The following LINGO2 variants were observed in gnomAD, a reference collection of about 807,000 sequenced individuals.
LINGO2 encodes the protein leucine rich repeat and Ig domain containing 2.
In LINGO2, 14 loss-of-function variants were observed where a neutral mutation model predicts 30.6. The observed-to-expected ratio is 0.46, with a 90% CI of 0.30 to 0.72. The LOEUF (loss-of-function observed/expected upper bound fraction) is 0.72. Ranked by LOEUF, LINGO2 falls within the 30% of genes least tolerant of loss-of-function variation. The pLI, the probability that LINGO2 is intolerant of heterozygous loss-of-function variation, is 0.07. For synonymous variants in LINGO2, 317 were observed against 288.5 expected, an observed-to-expected ratio of 1.10 and a Z score of -1.00; for missense variants, 729 against 751.7, an observed-to-expected ratio of 0.97 and a Z score of 0.35.
the LINGO2 span, among the ~76,000 whole-genome samples, chr9:29,200,863 A>G: frequency 6.6e-6 from 1 of 152,004 alleles, no homozygotes; most frequent in African/African-American, 2.4e-5. Flanking sequence ...GACAGTTTTG[A>G]GGAGTACTGA....
intron 2 of LINGO2, among the ~76,000 whole-genome samples, chr9:28,398,363 G>A (rs1402460430): frequency 6.6e-6 from 1 of 152,138 alleles, no homozygotes. Context: ...AAGTTTAGCA[G>A]AAATCCTTTT....
intron 1 of LINGO2, among the ~76,000 whole-genome samples, chr9:28,512,589 GTGTGTATATATA>G (rs1464248492): frequency 2.0e-3 from 6 of 2,990 alleles, no homozygotes; most frequent in Admixed American, 6.0e-3. Context: ...GGATATATAT[GTGTGTATATATA>G]TATATATATA....
the LINGO2 span, among the ~76,000 whole-genome samples, chr9:28,990,343 G>A: frequency 1.2e-3 from 178 of 152,314 alleles, 1 homozygote; most frequent in Non-Finnish European, 2.1e-3. Flanking sequence ...GGTAAACAAA[G>A]CAGCTGGGAA....
chr9:28,796,006 AC>A, the LINGO2 span, among the ~76,000 whole-genome samples: 1 of 151,436 alleles, frequency 6.6e-6, no homozygotes, highest in South Asian at 2.1e-4. Flanking sequence ...ACACACACAC[AC>A]ACACACACAC....
At chr9:28,738,559 A>G in the LINGO2 span, among the ~76,000 whole-genome samples, 1 of 152,070 alleles carries the variant, frequency 6.6e-6, no homozygotes, top group African/African-American at 2.4e-5. Flanking sequence ...AGTATGGCGT[A>G]TTTCTGCTTA....
At chr9:28,587,420 G>C (rs1450617991) in intron 1 of LINGO2, among the ~76,000 whole-genome samples, 1 of 152,010 alleles carries the variant, frequency 6.6e-6, no homozygotes, top group African/African-American at 2.4e-5. Context: ...AGAGAGAATT[G>C]TTTCTTGCTC....
chr9:28,008,231 G>T (rs1420376408), intron 5 of LINGO2, among the ~76,000 whole-genome samples: 9 of 152,064 alleles, frequency 5.9e-5, no homozygotes, highest in Admixed American at 5.2e-4. Flanking sequence ...AGTCTAATAT[G>T]ATTCTCTTAT....
intron 2 of LINGO2, among the ~76,000 whole-genome samples, chr9:28,433,947 C>CTATATATATATA (rs1417650474): frequency 1.6e-5 from 1 of 61,038 alleles, no homozygotes; most frequent in African/African-American, 4.9e-5. Flanking sequence ...CTCTCTCTCT[C>CTATATATATATA]TCTATATATA....
intron 4 of LINGO2, among the ~76,000 whole-genome samples, chr9:28,069,468 A>G (rs562648252): frequency 2.6e-5 from 4 of 152,266 alleles, no homozygotes; most frequent in Non-Finnish European, 5.9e-5. Context: ...AAACAGAACT[A>G]TTTTTGTGGT....
chr9:29,064,278 TA>T, the LINGO2 span, among the ~76,000 whole-genome samples: 1 of 152,084 alleles, frequency 6.6e-6, no homozygotes, highest in Non-Finnish European at 1.5e-5. Context: ...TGCAAGCTTA[TA>T]AATAGCACCA....
chr9:29,188,252 T>A, the LINGO2 span, among the ~76,000 whole-genome samples: 2 of 151,682 alleles, frequency 1.3e-5, no homozygotes, highest in East Asian at 2.0e-4. Context: ...AGCATCTGTT[T>A]AACAAAGCAC....
At chr9:28,499,998 C>T (rs962734671) in intron 1 of LINGO2, among the ~76,000 whole-genome samples, 2 of 152,070 alleles carry the variant, frequency 1.3e-5, no homozygotes, top group Non-Finnish European at 2.9e-5. Context: ...ATTGTGACAC[C>T]AGAGATTTTT....
chr9:28,351,863 T>C (rs1819909506), intron 3 of LINGO2, among the ~76,000 whole-genome samples: 1 of 149,394 alleles, frequency 6.7e-6, no homozygotes, highest in South Asian at 2.1e-4. Flanking sequence ...AATCAATAAA[T>C]GTAATCCAGC....
At chr9:28,904,018 A>G in the LINGO2 span, among the ~76,000 whole-genome samples, 4 of 152,302 alleles carry the variant, frequency 2.6e-5, no homozygotes, top group East Asian at 7.7e-4. Context: ...CCGATGATCA[A>G]GTGGGATTTA....
chr9:28,938,748 T>C, the LINGO2 span, among the ~76,000 whole-genome samples: 55 of 152,200 alleles, frequency 3.6e-4, no homozygotes, highest in Admixed American at 2.5e-3. Context: ...AAATCTACTC[T>C]ATGATGTTTG....
the LINGO2 span, among the ~76,000 whole-genome samples, chr9:28,808,262 C>T: frequency 6.6e-6 from 1 of 152,154 alleles, no homozygotes; most frequent in Non-Finnish European, 1.5e-5. Context: ...AGAATGCCAT[C>T]TGCTTATTTT....
rs189400181 is a variant in LINGO2, at chr9:28,497,411, A to T, written c.-364-21386T>A. On this transcript the variant is annotated intron_variant, in intron 1 of 5. Coordinates refer to ENST00000379992, the Ensembl canonical transcript of LINGO2. ...CTTCTTGCTTCATTTCATTCATTTG[A>T]TCTTGAATCACTGATACCCTTTCTT... Among the ~76,000 whole-genome samples the T allele has an allele frequency of 8.2e-4, 124 of 152,028 alleles. 1 individual carries two copies. Among genetic ancestry groups the T allele is most frequent in the African/African-American group, 2.9e-3 (121 of 41,444 alleles).
chr9:28,136,271 A>G (rs1587059863), intron 4 of LINGO2, among the ~76,000 whole-genome samples: 1 of 152,210 alleles, frequency 6.6e-6, no homozygotes, highest in Non-Finnish European at 1.5e-5. Flanking sequence ...TTGCTGGCCC[A>G]GAGGGCGATA....
intron 1 of LINGO2, among the ~76,000 whole-genome samples, chr9:28,647,893 C>CTTTTTTTTTTTTTTT (rs5897315): frequency 4.6e-5 from 6 of 130,244 alleles, no homozygotes; most frequent in Non-Finnish European, 8.3e-5. Flanking sequence ...TTCTTTCTTT[C>CTTTTTTTTTTTTTTT]TTTTTTTTTT....
Sources: allele counts gnomAD v4.1 joint callset (sites outside exome capture counted in the v4.1 genomes callset), GRCh38; gene constraint gnomAD v4.1.1; transcripts MANE v1.5; gene names NCBI Gene and HGNC (gene_info 2026-07-23, HGNC 2026-07-21).